RFTN2: variants seen among roughly 807,000 people sequenced by gnomAD.
RFTN2 encodes raftlin-2.
RFTN2 carries 34 observed loss-of-function variants against 52.7 expected under a neutral mutation model. The observed-to-expected ratio is 0.64, with a 90% CI of 0.49 to 0.86. RFTN2 has a LOEUF of 0.86. Among genes scored for constraint, RFTN2 ranks in the 40% least tolerant of loss-of-function variants. RFTN2 has a pLI of 0.00. For missense variants in RFTN2, 536 were observed against 600.1 expected (o/e 0.89, Z 1.12); for synonymous variants, 203 against 217.7 (o/e 0.93, Z 0.59).
chr2:197,640,134 C>G (rs1421251374), intron 3 of RFTN2, among the ~76,000 whole-genome samples: 3 of 152,240 alleles, frequency 2.0e-5, no homozygotes, highest in Non-Finnish European at 4.4e-5. Context: ...AACCACTGCT[C>G]TCTTCAAAGC....
At chr2:197,642,889 G>T (rs187450656) in intron 3 of RFTN2, among the ~76,000 whole-genome samples, 10 of 152,252 alleles carry the variant, frequency 6.6e-5, no homozygotes, top group African/African-American at 2.4e-4. Flanking sequence ...TAAGGCAGGA[G>T]AATTGCTTGA....
chr2:197,614,328 A>G (rs2088108104), intron 7 of RFTN2, among the ~76,000 whole-genome samples: 1 of 152,152 alleles, frequency 6.6e-6, no homozygotes, highest in East Asian at 1.9e-4. Context: ...TGCTGAGAAG[A>G]GTTTGGCTGG....
intron 8 of RFTN2, among the ~76,000 whole-genome samples, chr2:197,584,102 T>C (rs911493965): frequency 6.6e-6 from 1 of 152,056 alleles, no homozygotes; most frequent in African/African-American, 2.4e-5. Flanking sequence ...TGCATGTGTC[T>C]TCATGGCAGC....
At chr2:197,634,867 C>A (rs2088536564) in intron 3 of RFTN2, among the ~76,000 whole-genome samples, 1 of 151,656 alleles carries the variant, frequency 6.6e-6, no homozygotes, top group Non-Finnish European at 1.5e-5. Flanking sequence ...GGTATATCTC[C>A]CAATGCTATA....
At chr2:197,584,543 TC>T (rs1435009244) in intron 8 of RFTN2, among the ~76,000 whole-genome samples, 1 of 152,228 alleles carries the variant, frequency 6.6e-6, no homozygotes, top group Middle Eastern at 3.2e-3. Context: ...GCAAAAATTT[TC>T]TCCCACTCTG....
chr2:197,592,093 G>C (rs888007636), intron 8 of RFTN2, among the ~76,000 whole-genome samples: 1 of 152,206 alleles, frequency 6.6e-6, no homozygotes, highest in Non-Finnish European at 1.5e-5. Context: ...TGAGGGCTGC[G>C]AGGGTTGCCA....
chr2:197,605,320 A>G (rs1364341260), intron 7 of RFTN2, among the ~76,000 whole-genome samples: 3 of 151,446 alleles, frequency 2.0e-5, no homozygotes, highest in Non-Finnish European at 2.9e-5. Context: ...GGTTCACGCC[A>G]TTCTCTTGCC....
At position 197,638,046 on chromosome 2, in the gene RFTN2, G is replaced by A. The variant is rs574764019; in HGVS notation, c.439-4049C>T. On this transcript the variant is annotated intron_variant, in intron 3 of 8. Coordinates refer to ENST00000295049, the MANE Select transcript of RFTN2 (RefSeq NM_144629.3). ...TGTTCAGTTTCCATGTAGTTGAGCG[G>A]CTTTGAGTGAAATTCTTAATTCTGA... 1.6e-3 allele frequency among the ~76,000 whole-genome samples: 245 copies of A among 150,802 alleles called. 1 individual carries two copies. Among genetic ancestry groups the A allele is most frequent in the Middle Eastern group, 0.01 (3 of 294 alleles).
intron 7 of RFTN2, among the ~76,000 whole-genome samples, chr2:197,597,088 C>T (rs2087803893): frequency 6.6e-6 from 1 of 152,168 alleles, no homozygotes; most frequent in Non-Finnish European, 1.5e-5. Flanking sequence ...GAATGCAACA[C>T]TGAAACTCTG....
At chr2:197,591,775 C>T (rs538752349) in intron 8 of RFTN2, among the ~76,000 whole-genome samples, 1 of 152,286 alleles carries the variant, frequency 6.6e-6, no homozygotes, top group African/African-American at 2.4e-5. Flanking sequence ...TGGGACCCGG[C>T]GCACCCTCCA....
At chr2:197,590,070 G>A (rs2087677218) in intron 8 of RFTN2, among the ~76,000 whole-genome samples, 1 of 148,306 alleles carries the variant, frequency 6.7e-6, no homozygotes, top group Admixed American at 6.8e-5. Context: ...ACCATGCCCA[G>A]CTAATTTTTG....
chr2:197,581,909 A>T (rs947832175), intron 8 of RFTN2, among the ~76,000 whole-genome samples: 2 of 152,164 alleles, frequency 1.3e-5, no homozygotes, highest in Non-Finnish European at 2.9e-5. Context: ...CATAGATCCT[A>T]AATCCTTTCC....
intron 1 of RFTN2, among the ~76,000 whole-genome samples, chr2:197,663,104 G>GT (rs1390472354): frequency 6.6e-6 from 1 of 152,084 alleles, no homozygotes; most frequent in Non-Finnish European, 1.5e-5. Context: ...ATAATCATAT[G>GT]TTTTTTGTCC....
At chr2:197,578,548 G>C (rs1402556680) in intron 8 of RFTN2, among the ~76,000 whole-genome samples, 1 of 152,048 alleles carries the variant, frequency 6.6e-6, no homozygotes, top group Non-Finnish European at 1.5e-5. Flanking sequence ...TCCTGGCTCA[G>C]AAATTCCCCT....
intron 8 of RFTN2, among the ~76,000 whole-genome samples, chr2:197,587,401 G>T (rs192214908): frequency 4.4e-4 from 67 of 152,190 alleles, no homozygotes; most frequent in African/African-American, 1.6e-3. Context: ...ACATCCAGAT[G>T]GCCTGAAGTA....
intron 2 of RFTN2, among the ~76,000 whole-genome samples, chr2:197,646,003 G>T (rs2088742655): frequency 6.6e-6 from 1 of 152,060 alleles, no homozygotes; most frequent in African/African-American, 2.4e-5. Flanking sequence ...TCCAGCTTGG[G>T]CAACCAGAGC....
intron 7 of RFTN2, among the ~76,000 whole-genome samples, chr2:197,614,086 T>C (rs1436482341): frequency 1.3e-5 from 2 of 152,192 alleles, no homozygotes; most frequent in African/African-American, 2.4e-5. Flanking sequence ...GATTAGTTAC[T>C]GTATTATATT....
intron 8 of RFTN2, among the ~76,000 whole-genome samples, chr2:197,588,373 A>G (rs986126163): frequency 5.9e-5 from 9 of 152,122 alleles, no homozygotes; most frequent in African/African-American, 2.2e-4. Flanking sequence ...ATTTGTAGAG[A>G]CAGACTTTAT....
At chr2:197,615,087 G>A (rs1196756531) in intron 7 of RFTN2, among the ~76,000 whole-genome samples, 2 of 152,202 alleles carry the variant, frequency 1.3e-5, no homozygotes, top group Non-Finnish European at 2.9e-5. Flanking sequence ...GTGGGGTACT[G>A]GGATACTGGA....
Sources: allele counts gnomAD v4.1 joint callset (sites outside exome capture counted in the v4.1 genomes callset), GRCh38; gene constraint gnomAD v4.1.1; transcripts MANE v1.5; gene names NCBI Gene and HGNC (gene_info 2026-07-23, HGNC 2026-07-21).